Variants in CCDC149 observed in about 807,000 individuals in gnomAD.
The protein encoded by CCDC149 is coiled-coil domain-containing protein 149.
CCDC149 carries 45 observed loss-of-function variants against 59.9 expected under a neutral mutation model. The ratio of observed to expected loss-of-function variants is 0.75; its 90% confidence interval spans 0.59 to 0.96. The LOEUF is 0.96. Among genes scored for constraint, CCDC149 ranks in the 40% least tolerant of loss-of-function variants. The pLI is 0.00. For synonymous variants in CCDC149, 245 were observed against 260.6 expected (o/e 0.94, Z 0.58); for missense variants, 584 against 664.7 (o/e 0.88, Z 1.33).
intron 3 of CCDC149, among the ~76,000 whole-genome samples, chr4:24,866,067 T>C (rs1718676654): frequency 6.6e-6 from 1 of 152,186 alleles, no homozygotes; most frequent in Admixed American, 6.5e-5. Context: ...CCAGGACATA[T>C]ATACAAAGTC....
intron 11 of CCDC149, 90 bp from the exon 12 acceptor site, chr4:24,820,065 G>T: frequency 2.3e-6 from 2 of 871,376 alleles, no homozygotes; most frequent in Non-Finnish European, 1.8e-6. Context: ...CACAGGGCTG[G>T]CTACCCACAG....
At chr4:24,816,603 C>G (rs1715028112) in intron 12 of CCDC149, among the ~76,000 whole-genome samples, 1 of 151,864 alleles carries the variant, frequency 6.6e-6, no homozygotes, top group East Asian at 1.9e-4. Flanking sequence ...ATTGCTATTT[C>G]TATAAAAGAT....
At chr4:24,871,543 T>C (rs769479719) in intron 3 of CCDC149, among the ~76,000 whole-genome samples, 1 of 152,208 alleles carries the variant, frequency 6.6e-6, no homozygotes, top group Non-Finnish European at 1.5e-5. Context: ...TTAGGGCATG[T>C]CAGTACAGAA....
chr4:24,817,247 C>T (rs1320366891), intron 12 of CCDC149, among the ~76,000 whole-genome samples: 1 of 152,148 alleles, frequency 6.6e-6, no homozygotes, highest in Non-Finnish European at 1.5e-5. Flanking sequence ...ACATTGGATC[C>T]TGGCATGGCA....
chr4:24,868,873 G>A (rs1332486197), intron 3 of CCDC149, among the ~76,000 whole-genome samples: 3 of 152,128 alleles, frequency 2.0e-5, no homozygotes, highest in Admixed American at 6.5e-5. Flanking sequence ...TCACCAGTTC[G>A]TTATGTTACT....
At chr4:24,857,880 C>T (rs1476798091) in intron 3 of CCDC149, among the ~76,000 whole-genome samples, 4 of 152,148 alleles carry the variant, frequency 2.6e-5, no homozygotes, top group African/African-American at 9.7e-5. Context: ...TTTTCTTTTA[C>T]CTTTAACAGG....
At chr4:24,895,192 C>T in intron 1 of CCDC149, 4 of 661,676 alleles carry the variant, frequency 6.0e-6, no homozygotes, top group Non-Finnish European at 1.1e-5. Flanking sequence ...CTGGGTGAGG[C>T]AGGAGGGATA....
At chr4:24,849,135 G>GAGGA (rs931170049) in intron 4 of CCDC149, among the ~76,000 whole-genome samples, 1 of 152,004 alleles carries the variant, frequency 6.6e-6, no homozygotes, top group Non-Finnish European at 1.5e-5. Flanking sequence ...ACGCCCAGAA[G>GAGGA]AGGAAGCAGG....
At chr4:24,809,983 C>T (rs774459593) in intron 12 of CCDC149, among the ~76,000 whole-genome samples, 1 of 152,204 alleles carries the variant, frequency 6.6e-6, no homozygotes, top group Non-Finnish European at 1.5e-5. Flanking sequence ...AATTTCCTTT[C>T]GCTTAGGCCC....
chr4:24,977,363 C>G (rs73250668), intron 1 of CCDC149, among the ~76,000 whole-genome samples: 1,756 of 152,282 alleles, frequency 0.012, 18 homozygotes, highest in Non-Finnish European at 0.019. Flanking sequence ...CAGAGCCATG[C>G]GTCAGGAAAT....
chr4:24,974,660 A>C (rs941589211), intron 1 of CCDC149, among the ~76,000 whole-genome samples: 1 of 152,124 alleles, frequency 6.6e-6, no homozygotes, highest in African/African-American at 2.4e-5. Flanking sequence ...CACCCCCCAC[A>C]CCAGTCTGCA....
intron 1 of CCDC149, among the ~76,000 whole-genome samples, chr4:24,890,567 T>C (rs575178989): frequency 6.6e-6 from 1 of 152,362 alleles, no homozygotes; most frequent in African/African-American, 2.4e-5. Flanking sequence ...CTGTCCCATT[T>C]GAAGACAGAA....
At chr4:24,824,577 CAG>C (rs1715608141) in intron 9 of CCDC149, among the ~76,000 whole-genome samples, 1 of 152,150 alleles carries the variant, frequency 6.6e-6, no homozygotes, top group Non-Finnish European at 1.5e-5. Context: ...CTGTAAGAAA[CAG>C]AGAGGTTAAG....
At chr4:24,948,011 A>T (rs1429234310) in intron 1 of CCDC149, among the ~76,000 whole-genome samples, 4 of 152,304 alleles carry the variant, frequency 2.6e-5, no homozygotes, top group African/African-American at 9.6e-5. Flanking sequence ...GGGGGCTTGA[A>T]GGGATAGGGA....
chr4:24,899,907 A>G (rs1721062950), intron 1 of CCDC149, among the ~76,000 whole-genome samples: 1 of 152,162 alleles, frequency 6.6e-6, no homozygotes, highest in South Asian at 2.1e-4. Flanking sequence ...AGATGATCTG[A>G]GATTTCCCCA....
intron 1 of CCDC149, among the ~76,000 whole-genome samples, chr4:24,907,057 T>C (rs188363429): frequency 2.0e-5 from 3 of 152,328 alleles, no homozygotes; most frequent in Admixed American, 6.5e-5. Context: ...ATATGCAGAT[T>C]ACATTTCCAC....
intron 1 of CCDC149, among the ~76,000 whole-genome samples, chr4:24,976,592 A>C (rs1318698125): frequency 6.6e-6 from 1 of 152,166 alleles, no homozygotes; most frequent in Non-Finnish European, 1.5e-5. Flanking sequence ...GCATGCCTGT[A>C]GTCCCAGCTA....
At chr4:24,809,606 C>A (rs6858251) in intron 12 of CCDC149, among the ~76,000 whole-genome samples, 4,273 of 152,276 alleles carry the variant, frequency 0.028, 211 homozygotes, top group African/African-American at 0.096. Context: ...CTCTTAGTAC[C>A]CGGGCATGTG....
intron 1 of CCDC149, among the ~76,000 whole-genome samples, chr4:24,878,832 T>A (rs117429550): frequency 6.6e-6 from 1 of 152,306 alleles, no homozygotes; most frequent in East Asian, 1.9e-4. Flanking sequence ...ACTGTCAAAG[T>A]GGAAATTCAA....
Sources: allele counts gnomAD v4.1 joint callset (sites outside exome capture counted in the v4.1 genomes callset), GRCh38; gene constraint gnomAD v4.1.1; transcripts MANE v1.5; gene names NCBI Gene and HGNC (gene_info 2026-07-23, HGNC 2026-07-21).